The following PHF3 variants were observed in gnomAD, a reference collection of about 807,000 sequenced individuals.
The protein encoded by PHF3 is PHD finger protein 3.
Under a neutral mutation model 178.4 loss-of-function variants are expected in PHF3, and 41 were observed. That is an observed-to-expected ratio of 0.23 (90% CI 0.18 to 0.30). The LOEUF is 0.30. Among genes scored for constraint, PHF3 ranks in the 10% least tolerant of loss-of-function variants. The pLI is 1.00. For synonymous variants in PHF3, 842 were observed against 800.5 expected, an observed-to-expected ratio of 1.05 and a Z score of -0.88; for missense variants, 2,346 against 2,398.1, an observed-to-expected ratio of 0.98 and a Z score of 0.45.
rs1484803865 is a variant in PHF3 at position 63,706,990 on chromosome 6, T to G, written c.3711+114T>G. The stretch of plus-strand genomic sequence containing the variant: ...ATAGAAATATTTATTAACAATGATT[T>G]TTAAACAGTCCAAGTAATATAATTA... On this transcript the variant is annotated intron_variant, in intron 13 of 15. Coordinates refer to ENST00000262043, the MANE Select transcript of PHF3 (RefSeq NM_001370348.2). The G allele has an allele frequency of 1.7e-5, 15 of 870,492 alleles. No individual in the cohort carries two copies. In the East Asian group the frequency reaches 3.7e-4, roughly 22 times the overall value. The allele number at this position is 870,492 out of a possible 1,614,324, so 53.9% of individuals were successfully genotyped here.
chr6:63,666,755 CT>C (rs1050386767), intron 2 of PHF3, among the ~76,000 whole-genome samples: 506 of 142,572 alleles, frequency 3.5e-3, no homozygotes, highest in African/African-American at 5.3e-3. Flanking sequence ...TGTCCCCCTC[CT>C]TTTTTTTTTT....
chr6:63,717,550 TAGTG>T lies in PHF3; in HGVS notation c.*3846_*3849del, dbSNP rs1410118507. On this transcript the variant is annotated 3_prime_UTR_variant, in exon 16 of 16. Coordinates refer to ENST00000262043, the MANE Select transcript of PHF3 (RefSeq NM_001370348.2). ...TATAGTAATATGTAGAGCAAAAAAG[TAGTG>T]AGTTGAAAACAGATCAGTAGCAAGA... is the stretch of plus-strand genomic sequence containing the variant. Among the ~76,000 whole-genome samples the T allele has an allele frequency of 6.6e-6, 1 of 151,968 alleles. No homozygotes were observed. The highest frequency in any genetic ancestry group is 1.5e-5 in the Non-Finnish European group (1 of 67,952).
intron 1 of PHF3, among the ~76,000 whole-genome samples, chr6:63,637,214 A>G (rs979422049): frequency 3.9e-5 from 6 of 152,224 alleles, no homozygotes; most frequent in Admixed American, 6.5e-5. Context: ...TTAAAAACCA[A>G]TGCAGTAAAC....
At position 63,725,404 on chromosome 6, in the gene PHF3, A is replaced by C. The variant is rs1310157697; in HGVS notation, c.*11696A>C. 6.6e-6 allele frequency among the ~76,000 whole-genome samples: 1 copy of C among 152,084 alleles called. No homozygotes were observed. The highest frequency in any genetic ancestry group is 1.9e-4 in the East Asian group (1 of 5,204). ...CAGTCACAATCCTGAATATACCTTG[A>C]TTTTCTGCCCTCTTACATAGGTCCC... is the stretch of plus-strand genomic sequence containing the variant. On this transcript the variant is annotated 3_prime_UTR_variant, in exon 16 of 16. Coordinates refer to ENST00000262043, the MANE Select transcript of PHF3 (RefSeq NM_001370348.2).
In PHF3 at chr6:63,720,128, C is replaced by A. The variant is rs1403350010; in HGVS notation, c.*6420C>A. 1 of 163,148 alleles carries A rather than the reference C, an allele frequency of 6.1e-6. No individual in the cohort carries two copies. Among genetic ancestry groups the A allele is most frequent in the Non-Finnish European group, 1.3e-5 (1 of 75,720 alleles). 10.1% of individuals were successfully genotyped at this position (163,148 alleles called of 1,614,324 possible). ...TAAGTTGTAGCTAAGCCATGTAATA[C>A]AATATGGTTACATTGCTTTGTATAA... is the stretch of plus-strand genomic sequence containing the variant. On this transcript the variant is annotated 3_prime_UTR_variant, in exon 16 of 16. Coordinates refer to ENST00000262043, the MANE Select transcript of PHF3 (RefSeq NM_001370348.2).
rs1245126235 is a variant in PHF3 at position 63,665,600 on chromosome 6, C to T, written c.245-14400C>T. 2.7e-5 allele frequency among the ~76,000 whole-genome samples: 4 copies of T among 148,952 alleles called. No homozygotes were observed. In the East Asian group the frequency reaches 8.0e-4, roughly 30 times the overall value. ...CTCCGGCTTCAAGCAATTCTTTTGC[C>T]TCAGCCACCCAAGCAGCTGGGATTA... is the stretch of plus-strand genomic sequence containing the variant. On this transcript the variant is annotated intron_variant, in intron 2 of 15. Transcript: ENST00000262043.
In PHF3 at chr6:63,706,657, G is replaced by GT. The variant is rs1767707127; in HGVS notation, c.3564-71dup. ...GCCTTCTTCACATGCTAAAATACGA[G>GT]TAACTGATGACTAGGTAGGACATTG... On this transcript the variant is annotated intron_variant, in intron 12 of 15. Coordinates refer to ENST00000262043, the MANE Select transcript of PHF3 (RefSeq NM_001370348.2). The GT allele has an allele frequency of 2.0e-5, 28 of 1,435,064 alleles. No individual in the cohort carries two copies. The East Asian group carries it at 6.5e-4, about 33-fold the overall frequency. The allele number at this position is 1,435,064 out of a possible 1,614,324, so 88.9% of individuals were successfully genotyped here.
intron 6 of PHF3, among the ~76,000 whole-genome samples, chr6:63,697,157 A>G (rs1388189856): frequency 2.0e-5 from 3 of 152,196 alleles, no homozygotes; most frequent in Non-Finnish European, 4.4e-5. Flanking sequence ...TTCACTCCAC[A>G]TGGAGGGAGG....
intron 2 of PHF3, among the ~76,000 whole-genome samples, chr6:63,651,495 G>A (rs185814904): frequency 2.6e-5 from 4 of 152,146 alleles, no homozygotes; most frequent in Non-Finnish European, 4.4e-5. Context: ...CTGAGTAGCC[G>A]GGATTACAGG....
At chr6:63,690,055 G>A (rs577457762) in intron 4 of PHF3, among the ~76,000 whole-genome samples, 27 of 152,184 alleles carry the variant, frequency 1.8e-4, no homozygotes, top group Admixed American at 1.2e-3. Context: ...TTTTAGCTTT[G>A]CAACTCGAAG....
Position 63,646,805 on chromosome 6 carries a change from A to ATTTT in PHF3, c.244+10_244+11insTTTT. 1 of 1,102,446 alleles carries ATTTT rather than the reference A, an allele frequency of 9.1e-7. No individual in the cohort carries two copies. The allele number at this position is 1,102,446 out of a possible 1,614,324, so 68.3% of individuals were successfully genotyped here. A position where few individuals can be genotyped will look rare whatever the true frequency, so the allele number is the denominator to read the frequency against. On this transcript the variant is annotated intron_variant, in intron 2 of 15. Transcript: ENST00000262043. ...ATGCCTTGTTCAACAGGTAATTCTT[A>ATTTT]CTTTTTTTTTTTTTTTTTTTTTTAG...
rs938795739 is a variant in PHF3 at position 63,715,295 on chromosome 6, C to G, written c.*1587C>G. On this transcript the variant is annotated 3_prime_UTR_variant, in exon 16 of 16. Transcript: ENST00000262043. ...AGAGAACTTGTGTTTAAATAAAGCC[C>G]GTTTAACTTTGGTCCACTTTTCTTT... 2 of 152,022 alleles carry G rather than the reference C, an allele frequency of 1.3e-5. No individual in the cohort carries two copies. The highest frequency in any genetic ancestry group is 4.8e-5 in the African/African-American group (2 of 41,406). 9.4% of individuals were successfully genotyped at this position (152,022 alleles called of 1,614,324 possible). A position where few individuals can be genotyped will look rare whatever the true frequency, so the allele number is the denominator to read the frequency against.
At chr6:63,651,864 A>G (rs1387702982) in intron 2 of PHF3, among the ~76,000 whole-genome samples, 1 of 152,182 alleles carries the variant, frequency 6.6e-6, no homozygotes, top group Non-Finnish European at 1.5e-5. Context: ...CTGTGTTCCC[A>G]TAATGGCAGA....
chr6:63,702,493 A>C lies in PHF3; in HGVS notation c.3100-15A>C. 1 of 1,532,574 alleles carries C rather than the reference A, an allele frequency of 6.5e-7. No homozygotes were observed. The highest frequency in any genetic ancestry group is 8.8e-7 in the Non-Finnish European group (1 of 1,135,424). The allele number at this position is 1,532,574 out of a possible 1,614,324, so 94.9% of individuals were successfully genotyped here. ...ATTTTAAATTTAATATTTTTAAAAA[A>C]GTATTTTCTGTTAGACCATAGAAAT... On this transcript the variant is annotated splice_polypyrimidine_tract_variant and intron_variant, in intron 9 of 15. Coordinates refer to ENST00000262043, the MANE Select transcript of PHF3 (RefSeq NM_001370348.2).
intron 3 of PHF3, among the ~76,000 whole-genome samples, chr6:63,682,621 C>T (rs771264278): frequency 5.9e-5 from 9 of 152,080 alleles, no homozygotes; most frequent in East Asian, 1.9e-4. Context: ...TTGGTATATA[C>T]GTGTGGCTTT....
chr6:63,717,749 T>C lies in PHF3; in HGVS notation c.*4041T>C, dbSNP rs896617226. Among the ~76,000 whole-genome samples, 1 of 151,990 alleles carries C rather than the reference T, an allele frequency of 6.6e-6. No homozygotes were observed. Among genetic ancestry groups the C allele is most frequent in the Admixed American group, 6.6e-5 (1 of 15,224 alleles). Reference sequence around the variant, plus strand: ...AAATAATTCAGTGTGTGCATGTCCATGTGTGTATATATACATATATGTTAG... The same window carrying C: ...AAATAATTCAGTGTGTGCATGTCCACGTGTGTATATATACATATATGTTAG... On this transcript the variant is annotated 3_prime_UTR_variant, in exon 16 of 16. Coordinates refer to ENST00000262043, the MANE Select transcript of PHF3 (RefSeq NM_001370348.2).
chr6:63,683,946 A>G (rs543707993), intron 3 of PHF3, among the ~76,000 whole-genome samples, 183 bp from the exon 4 acceptor site: 1 of 152,184 alleles, frequency 6.6e-6, no homozygotes, highest in South Asian at 2.1e-4. Flanking sequence ...ATAAAATTTG[A>G]CATATGTTAA....
chr6:63,660,955 G>A (rs888866955), intron 2 of PHF3, among the ~76,000 whole-genome samples: 21 of 152,176 alleles, frequency 1.4e-4, no homozygotes, highest in Non-Finnish European at 5.9e-5. Context: ...TGAGGAGACA[G>A]GGTTATCTTG....
intron 4 of PHF3, among the ~76,000 whole-genome samples, chr6:63,687,363 G>C (rs949839890): frequency 5.9e-5 from 9 of 152,336 alleles, no homozygotes; most frequent in Admixed American, 5.9e-4. Flanking sequence ...AATGGAGGTT[G>C]CAGTGAGCCG....
Sources: gnomAD v4.1 joint callset for allele counts (sites outside exome capture counted in the v4.1 genomes callset) on GRCh38, gnomAD v4.1.1 for gene constraint, MANE v1.5 for transcripts, NCBI Gene and HGNC (gene_info 2026-07-23, HGNC 2026-07-21) for gene names.